The following TCEA1 variants were observed in gnomAD, a reference collection of about 807,000 sequenced individuals.
The protein encoded by TCEA1 is transcription elongation factor A1.
A neutral mutation model predicts 43.8 loss-of-function variants in TCEA1; 21 were observed. The observed-to-expected ratio is 0.48, with a 90% CI of 0.34 to 0.69. The LOEUF (loss-of-function observed/expected upper bound fraction) is 0.69. TCEA1 is among the 30% of genes least tolerant of loss of function. The pLI, the probability that TCEA1 is intolerant of heterozygous loss-of-function variation, is 0.01. For missense variants in TCEA1, 250 were observed against 365.1 expected (o/e 0.68, Z 2.57); for synonymous variants, 104 against 117.5 (o/e 0.88, Z 0.75).
In TCEA1 at chr8:54,001,654, G is replaced by A. The variant is rs1025768911; in HGVS notation, c.127-1604C>T. ...AAAAAAATAAAATGGCACTTTACTA[G>A]GGGCTTGCAGGAGAGCAAAGGTGTA... On this transcript the variant is annotated intron_variant, in intron 2 of 9. Coordinates refer to ENST00000521604, the MANE Select transcript of TCEA1 (RefSeq NM_006756.4). Among the ~76,000 whole-genome samples the A allele has an allele frequency of 1.3e-5, 2 of 152,174 alleles. 1 individual carries two copies. Among genetic ancestry groups the A allele is most frequent in the South Asian group, 4.1e-4 (2 of 4,834 alleles).
At chr8:53,986,778 C>T (rs867369570) in intron 6 of TCEA1, among the ~76,000 whole-genome samples, 191 bp downstream of exon 6, 22 of 152,304 alleles carry the variant, frequency 1.4e-4, no homozygotes, top group Middle Eastern at 6.8e-3. Flanking sequence ...CCAGCCCTGT[C>T]AGTGTCAGGC....
chr8:54,022,212 C>G lies in TCEA1; in HGVS notation c.-87G>C, dbSNP rs1037186239. 13 of 1,428,168 alleles carry G rather than the reference C, an allele frequency of 9.1e-6. No individual in the cohort carries two copies. Among genetic ancestry groups the G allele is most frequent in the Non-Finnish European group, 2.0e-6 (2 of 1,025,016 alleles). 88.5% of individuals were successfully genotyped at this position (1,428,168 alleles called of 1,614,324 possible). Reference sequence around the variant, plus strand: ...CGGAAGACACAGCAGGAGCGACCCCCGGCGCGCAGCAACCCCCACCACCGC... The same window carrying G: ...CGGAAGACACAGCAGGAGCGACCCCGGGCGCGCAGCAACCCCCACCACCGC... On this transcript the variant is annotated 5_prime_UTR_variant, in exon 1 of 10. Transcript: ENST00000521604.
chr8:53,990,489 G>A (rs1479929521), intron 4 of TCEA1, among the ~76,000 whole-genome samples: 1 of 151,486 alleles, frequency 6.6e-6, no homozygotes, highest in Non-Finnish European at 1.5e-5. Flanking sequence ...AGCCTCCCAA[G>A]TAGCTGGGAC....
intron 8 of TCEA1, chr8:53,972,707 C>A (rs1468763335): frequency 4.5e-6 from 3 of 662,380 alleles, no homozygotes; most frequent in Non-Finnish European, 8.7e-6. Context: ...CAAAAAAGGA[C>A]TGGACCTCTA....
intron 1 of TCEA1, among the ~76,000 whole-genome samples, chr8:54,021,316 A>C (rs1805021796): frequency 1.3e-5 from 2 of 152,206 alleles, no homozygotes; most frequent in Non-Finnish European, 1.5e-5. Context: ...ATATGCTTAC[A>C]TGAATATTCA....
At position 54,013,698 on chromosome 8, in the gene TCEA1, A is replaced by C. The variant is rs1275802797; in HGVS notation, c.64-3206T>G. ...TCCATCTCAAAAAAAAAAAAAAAAA[A>C]AAAACAAAAAACAGACAAACAAAAA... is the stretch of plus-strand genomic sequence containing the variant. On this transcript the variant is annotated intron_variant, in intron 1 of 9. Transcript: ENST00000521604. Among the ~76,000 whole-genome samples the C allele has an allele frequency of 1.7e-3, 257 of 149,100 alleles. 1 individual carries two copies. The highest frequency in any genetic ancestry group is 4.9e-3 in the African/African-American group (194 of 39,692).
chr8:54,010,375 T>C (rs1218217477), intron 2 of TCEA1, 55 bp downstream of exon 2: 2 of 1,315,878 alleles, frequency 1.5e-6, no homozygotes, highest in Non-Finnish European at 2.1e-6. Context: ...GAAGATGTTT[T>C]GGTATTTTAT....
intron 1 of TCEA1, among the ~76,000 whole-genome samples, chr8:54,017,695 T>C (rs1245942022): frequency 1.3e-5 from 2 of 152,044 alleles, no homozygotes; most frequent in Non-Finnish European, 1.5e-5. Context: ...CCGAGGCAGG[T>C]GAATCACTTG....
At chr8:54,008,816 T>C (rs1320803488) in intron 2 of TCEA1, among the ~76,000 whole-genome samples, 3 of 151,526 alleles carry the variant, frequency 2.0e-5, no homozygotes, top group Non-Finnish European at 4.4e-5. Context: ...CTTCCTCCAG[T>C]CAGAATGGCT....
intron 3 of TCEA1, among the ~76,000 whole-genome samples, chr8:53,995,899 C>A (rs1197994322): frequency 1.3e-5 from 2 of 152,176 alleles, no homozygotes; most frequent in South Asian, 4.1e-4. Flanking sequence ...TGATAAAACA[C>A]GCACATACAC....
intron 3 of TCEA1, among the ~76,000 whole-genome samples, chr8:53,995,707 C>G (rs1804032586): frequency 6.6e-6 from 1 of 152,214 alleles, no homozygotes; most frequent in African/African-American, 2.4e-5. Context: ...GAACCAGATC[C>G]ATTCAATCCA....
intron 3 of TCEA1, among the ~76,000 whole-genome samples, chr8:53,994,433 TA>T (rs1803982704): frequency 6.6e-6 from 1 of 152,228 alleles, no homozygotes; most frequent in Non-Finnish European, 1.5e-5. Flanking sequence ...TTTAAGGTGG[TA>T]TCCAAAATAT....
At chr8:54,005,329 T>C (rs967266138) in intron 2 of TCEA1, among the ~76,000 whole-genome samples, 3 of 152,216 alleles carry the variant, frequency 2.0e-5, no homozygotes, top group Admixed American at 6.5e-5. Flanking sequence ...AGTTAAGCAC[T>C]ACCATATCAG....
chr8:53,967,603 G>A lies in TCEA1; in HGVS notation c.*501C>T. The A allele has an allele frequency of 5.0e-6, 1 of 201,014 alleles. No individual in the cohort carries two copies. Among genetic ancestry groups the A allele is most frequent in the Non-Finnish European group, 1.0e-5 (1 of 98,256 alleles). 12.5% of individuals were successfully genotyped at this position (201,014 alleles called of 1,614,324 possible). A position where few individuals can be genotyped will look rare whatever the true frequency, so the allele number is the denominator to read the frequency against. On this transcript the variant is annotated 3_prime_UTR_variant, in exon 10 of 10. Transcript: ENST00000521604. ...AATTCATAAGCTACCTCAAAATTAT[G>A]TACATTTTAGATAAGCTGGTCAAGT... is the stretch of plus-strand genomic sequence containing the variant.
intron 4 of TCEA1, among the ~76,000 whole-genome samples, chr8:53,991,161 G>A (rs1185139600): frequency 6.6e-6 from 1 of 152,170 alleles, no homozygotes; most frequent in Non-Finnish European, 1.5e-5. Flanking sequence ...GAGAGGCCAA[G>A]GTGGGTGGAT....
chr8:53,992,040 A>G (rs1398366355), intron 4 of TCEA1, among the ~76,000 whole-genome samples: 1 of 151,984 alleles, frequency 6.6e-6, no homozygotes, highest in Non-Finnish European at 1.5e-5. Flanking sequence ...GGCTGGGTGC[A>G]GTGGCTTACG....
intron 3 of TCEA1, among the ~76,000 whole-genome samples, 177 bp from the exon 4 acceptor site, chr8:53,993,932 A>T (rs1803964857): frequency 6.6e-6 from 1 of 152,202 alleles, no homozygotes; most frequent in African/African-American, 2.4e-5. Flanking sequence ...TTCAGTCAAC[A>T]CTCCCAAATA....
intron 7 of TCEA1, among the ~76,000 whole-genome samples, chr8:53,982,762 G>A (rs1000204474): frequency 2.0e-5 from 3 of 152,134 alleles, no homozygotes; most frequent in African/African-American, 2.4e-5. Flanking sequence ...TTCTTGTGGA[G>A]GAGCAAAAAG....
intron 4 of TCEA1, among the ~76,000 whole-genome samples, chr8:53,992,550 G>A (rs1361296165): frequency 2.0e-5 from 3 of 152,198 alleles, no homozygotes; most frequent in African/African-American, 7.2e-5. Context: ...GGTGGAGGTT[G>A]CAGTGAGCCA....
Sources: gnomAD v4.1 joint callset for allele counts (sites outside exome capture counted in the v4.1 genomes callset) on GRCh38, gnomAD v4.1.1 for gene constraint, MANE v1.5 for transcripts, NCBI Gene and HGNC (gene_info 2026-07-23, HGNC 2026-07-21) for gene names.